Variants in PRKG2 observed in about 807,000 individuals in gnomAD.
PRKG2 encodes the protein protein kinase cGMP-dependent 2.
PRKG2 carries 33 observed loss-of-function variants against 97.2 expected under a neutral mutation model. That is an observed-to-expected ratio of 0.34 (90% confidence interval 0.26 to 0.45). The LOEUF (loss-of-function observed/expected upper bound fraction) is 0.45. PRKG2 is among the 20% of genes least tolerant of loss of function. PRKG2 has a pLI of 1.00. For missense variants in PRKG2, 638 were observed against 900.0 expected (o/e 0.71, Z 3.73); for synonymous variants, 330 against 321.8 (o/e 1.03, Z -0.27).
At position 81,171,613 on chromosome 4, in the gene PRKG2, G is replaced by GTCAC. The variant is rs1165589156; in HGVS notation, c.742+77_742+78insGTGA. The GTCAC allele has an allele frequency of 4.8e-6, 5 of 1,042,940 alleles. No homozygotes were observed. The East Asian group carries it at 1.3e-4, about 26-fold the overall frequency. The allele number at this position is 1,042,940 out of a possible 1,614,324, so 64.6% of individuals were successfully genotyped here. A position where few individuals can be genotyped will look rare whatever the true frequency, so the allele number is the denominator to read the frequency against. ...AAAATGGGAAACAGACTGTGGATCA[G>GTCAC]GGTGCAAATGTGACTGGACTAGATT... On this transcript the variant is annotated intron_variant, in intron 4 of 18. Coordinates refer to ENST00000264399, the MANE Select transcript of PRKG2 (RefSeq NM_006259.3).
At chr4:81,190,368 T>C (rs1451743493) in intron 2 of PRKG2, among the ~76,000 whole-genome samples, 7 of 152,092 alleles carry the variant, frequency 4.6e-5, no homozygotes, top group Admixed American at 1.3e-4. Flanking sequence ...ATAAATGGTG[T>C]TGGGAAAACT....
At chr4:81,124,688 A>G (rs1411834785) in intron 14 of PRKG2, among the ~76,000 whole-genome samples, 2 of 152,126 alleles carry the variant, frequency 1.3e-5, no homozygotes, top group Non-Finnish European at 2.9e-5. Flanking sequence ...CTCTAGTCTA[A>G]TGGGTCTCTG....
At position 81,157,253 on chromosome 4, in the gene PRKG2, C is replaced by T. The variant is rs529767642; in HGVS notation, c.913-3532G>A. Reference sequence around the variant, plus strand: ...TAAAAAATGATAAAGGGGATATCACCACCGATCCCACAGAAATACAAACTA... The same window carrying T: ...TAAAAAATGATAAAGGGGATATCACTACCGATCCCACAGAAATACAAACTA... On this transcript the variant is annotated intron_variant, in intron 6 of 18. Transcript: ENST00000264399. Among the ~76,000 whole-genome samples the T allele has an allele frequency of 4.6e-5, 7 of 152,080 alleles. No homozygotes were observed. The East Asian group carries it at 1.4e-3, about 29-fold the overall frequency.
intron 15 of PRKG2, among the ~76,000 whole-genome samples, chr4:81,106,784 A>G (rs1177235008): frequency 1.3e-5 from 2 of 152,160 alleles, no homozygotes; most frequent in Non-Finnish European, 2.9e-5. Flanking sequence ...AGAAGGGTGA[A>G]GCCCTCATGA....
At chr4:81,116,216 T>C (rs962780489) in intron 14 of PRKG2, among the ~76,000 whole-genome samples, 1 of 152,166 alleles carries the variant, frequency 6.6e-6, no homozygotes, top group African/African-American at 2.4e-5. Flanking sequence ...TCCTGGTGCC[T>C]ATTATTCCCT....
In PRKG2 at chr4:81,120,172, C is replaced by T. The variant is rs142337575; in HGVS notation, c.1777-9561G>A. ...AGAAGCCATACTTCAACTACTCATA[C>T]GCTGCTGAATGTTCAAACTGTGTTC... On this transcript the variant is annotated intron_variant, in intron 14 of 18. Coordinates refer to ENST00000264399, the MANE Select transcript of PRKG2 (RefSeq NM_006259.3). 4.6e-5 allele frequency among the ~76,000 whole-genome samples: 7 copies of T among 152,290 alleles called. No homozygotes were observed. In the East Asian group the frequency reaches 5.8e-4, roughly 13 times the overall value.
intron 1 of PRKG2, among the ~76,000 whole-genome samples, chr4:81,207,899 C>T (rs1753765576): frequency 6.6e-6 from 1 of 152,188 alleles, no homozygotes; most frequent in East Asian, 1.9e-4. Context: ...ATTAGATTCA[C>T]TCTGTTTCCT....
At chr4:81,140,350 C>CAG (rs1560572088) in intron 12 of PRKG2, among the ~76,000 whole-genome samples, 183 bp downstream of exon 12, 14 of 152,094 alleles carry the variant, frequency 9.2e-5, no homozygotes, top group African/African-American at 3.1e-4. Context: ...GGGATGGATA[C>CAG]CCCATTTTCC....
chr4:81,155,965 C>G lies in PRKG2; in HGVS notation c.913-2244G>C, dbSNP rs1451223947. 8.5e-5 allele frequency among the ~76,000 whole-genome samples: 13 copies of G among 152,116 alleles called. No individual in the cohort carries two copies. In the East Asian group the frequency reaches 2.3e-3, roughly 27 times the overall value. On this transcript the variant is annotated intron_variant, in intron 6 of 18. Transcript: ENST00000264399. ...GGAAAGGAACAACCGGTACCAGCCA[C>G]TGCAAAATCATGCCAAAATGTAAAG...
chr4:81,214,153 T>TA (rs11355853), intron 1 of PRKG2, among the ~76,000 whole-genome samples: 12,003 of 120,130 alleles, frequency 0.1, 1,198 homozygotes, highest in African/African-American at 0.27. Flanking sequence ...CTCTCTTCCT[T>TA]AAAAAAAAAA....
intron 14 of PRKG2, among the ~76,000 whole-genome samples, chr4:81,116,828 G>A (rs1044969945): frequency 6.6e-6 from 1 of 151,694 alleles, no homozygotes; most frequent in Non-Finnish European, 1.5e-5. Flanking sequence ...TTTGAGACGT[G>A]TCTGTTCATG....
intron 12 of PRKG2, among the ~76,000 whole-genome samples, chr4:81,140,075 C>G (rs1424865329): frequency 1.3e-5 from 2 of 152,080 alleles, no homozygotes; most frequent in Non-Finnish European, 2.9e-5. Flanking sequence ...CACGTTCTCA[C>G]TTATTTGTGG....
intron 2 of PRKG2, among the ~76,000 whole-genome samples, chr4:81,177,162 T>C (rs1294922929): frequency 6.6e-6 from 1 of 152,174 alleles, no homozygotes; most frequent in Middle Eastern, 3.2e-3. Context: ...TGCTGCAGTT[T>C]ACACCATCCT....
intron 2 of PRKG2, among the ~76,000 whole-genome samples, chr4:81,181,625 A>C (rs1751418452): frequency 7.4e-6 from 1 of 135,024 alleles, no homozygotes; most frequent in African/African-American, 3.7e-5. Context: ...AATTCACAAC[A>C]AGACAGGACT....
At position 81,140,772 on chromosome 4, in the gene PRKG2, C is replaced by T. The variant is rs987561538; in HGVS notation, c.1408-103G>A. ...GTTTCATGTTTAATTAGTATGGAAG[C>T]CCTTAGCCACTTATCCCTTTGAGAA... On this transcript the variant is annotated intron_variant, in intron 11 of 18. Transcript: ENST00000264399. The T allele has an allele frequency of 4.1e-6, 4 of 969,946 alleles. No individual in the cohort carries two copies. The African/African-American group carries it at 4.9e-5, about 12-fold the overall frequency. 60.1% of individuals were successfully genotyped at this position (969,946 alleles called of 1,614,324 possible).
At chr4:81,148,707 A>T (rs543534166) in intron 9 of PRKG2, among the ~76,000 whole-genome samples, 177 bp downstream of exon 9, 1 of 152,278 alleles carries the variant, frequency 6.6e-6, no homozygotes, top group Non-Finnish European at 1.5e-5. Flanking sequence ...CCACAGACCG[A>T]TTCAGATCAG....
intron 13 of PRKG2, among the ~76,000 whole-genome samples, chr4:81,137,152 G>A (rs901312245): frequency 6.6e-6 from 1 of 152,096 alleles, no homozygotes; most frequent in East Asian, 1.9e-4. Flanking sequence ...TGTAACCTGG[G>A]ATAGTTCACC....
At chr4:81,096,681 A>T (rs1742148761) in intron 17 of PRKG2, among the ~76,000 whole-genome samples, 1 of 152,192 alleles carries the variant, frequency 6.6e-6, no homozygotes, top group African/African-American at 2.4e-5. Flanking sequence ...AGTAGATTAG[A>T]TTTCAAGAAA....
intron 1 of PRKG2, among the ~76,000 whole-genome samples, chr4:81,211,395 G>C (rs1753964844): frequency 6.6e-6 from 1 of 152,182 alleles, no homozygotes; most frequent in African/African-American, 2.4e-5. Context: ...AGAAATGAAT[G>C]CAAGAAAGCT....
Sources: allele counts gnomAD v4.1 joint callset (sites outside exome capture counted in the v4.1 genomes callset), GRCh38; gene constraint gnomAD v4.1.1; transcripts MANE v1.5; gene names NCBI Gene and HGNC (gene_info 2026-07-23, HGNC 2026-07-21).